NPAS2: variants seen among roughly 807,000 people sequenced by gnomAD.
NPAS2 encodes the protein neuronal PAS domain-containing protein 2.
NPAS2 carries 23 observed loss-of-function variants against 107.5 expected under a neutral mutation model. The ratio of observed to expected loss-of-function variants is 0.21; its 90% CI spans 0.15 to 0.30. The LOEUF (loss-of-function observed/expected upper bound fraction) is 0.30. NPAS2 is among the 10% of genes least tolerant of loss of function. The pLI, the probability that NPAS2 is intolerant of heterozygous loss-of-function variation, is 1.00. For synonymous variants in NPAS2, 403 were observed against 417.5 expected, an observed-to-expected ratio of 0.97 and a Z score of 0.42; for missense variants, 756 against 1,043.3, an observed-to-expected ratio of 0.72 and a Z score of 3.79.
At chr2:100,944,032 T>C (rs1674739701) in intron 5 of NPAS2, among the ~76,000 whole-genome samples, 1 of 152,182 alleles carries the variant, frequency 6.6e-6, no homozygotes, top group Admixed American at 6.5e-5. Context: ...TAATTCTTAC[T>C]ATTACAAAGT....
chr2:100,979,517 T>A (rs1262017732), intron 15 of NPAS2, among the ~76,000 whole-genome samples: 2 of 135,464 alleles, frequency 1.5e-5, no homozygotes, highest in African/African-American at 5.6e-5. Context: ...TTTTTTTTTT[T>A]TTTTTTTTTT....
intron 1 of NPAS2, among the ~76,000 whole-genome samples, chr2:100,864,393 A>G (rs569777319): frequency 7.9e-5 from 12 of 152,330 alleles, no homozygotes; most frequent in African/African-American, 2.6e-4. Context: ...GTGTGATATA[A>G]TAATATTCGG....
At chr2:100,852,259 TGGTGGTGG>T (rs1678241044) in intron 1 of NPAS2, among the ~76,000 whole-genome samples, 2 of 151,710 alleles carry the variant, frequency 1.3e-5, no homozygotes, top group Non-Finnish European at 2.9e-5. Context: ...TAGCCGGGCG[TGGTGGTGG>T]GTGCCTGTAG....
intron 1 of NPAS2, among the ~76,000 whole-genome samples, chr2:100,881,848 T>C (rs1313133779): frequency 6.6e-6 from 1 of 152,224 alleles, no homozygotes; most frequent in Non-Finnish European, 1.5e-5. Flanking sequence ...CGGACAGTGC[T>C]GGTCTCCCAC....
chr2:100,993,056 A>G (rs1678228573), intron 19 of NPAS2, among the ~76,000 whole-genome samples: 3 of 151,918 alleles, frequency 2.0e-5, no homozygotes, highest in African/African-American at 4.8e-5. Context: ...CAGCCTCCCA[A>G]GTAGCTGGGA....
intron 1 of NPAS2, among the ~76,000 whole-genome samples, chr2:100,828,226 A>G (rs1293038506): frequency 6.6e-6 from 1 of 151,176 alleles, no homozygotes; most frequent in African/African-American, 2.4e-5. Flanking sequence ...CTGTTCATGT[A>G]TTTTGCCTAT....
At chr2:100,893,746 G>A (rs954046956) in intron 1 of NPAS2, among the ~76,000 whole-genome samples, 1 of 152,166 alleles carries the variant, frequency 6.6e-6, no homozygotes, top group African/African-American at 2.4e-5. Context: ...ACCTGTTTTC[G>A]TAAATAAAGT....
rs952335102 is a variant in NPAS2 at position 100,990,861 on chromosome 2, A to G, written c.2100A>G (p.Gly700=). ...AGCCCTCGGAAGTCAGCAGGACGGG[A>G]CGGCAAGTCAAGTACGTGGACCCTG... The part of the protein sequence containing the change: ...ARQPSEVSRT[G]RQVKYAQSQT... Residue 700 remains glycine (G), a synonymous_variant, in exon 19 of 21, where the codon GGA becomes GGG. Coordinates refer to ENST00000335681, the MANE Select transcript of NPAS2 (RefSeq NM_002518.4). 27 of 1,614,050 alleles carry G rather than the reference A, an allele frequency of 1.7e-5. No individual in the cohort carries two copies. The highest frequency in any genetic ancestry group is 2.3e-5 in the Non-Finnish European group (27 of 1,179,978).
intron 7 of NPAS2, among the ~76,000 whole-genome samples, chr2:100,951,451 T>G (rs1675218369): frequency 6.6e-6 from 1 of 152,198 alleles, no homozygotes; most frequent in South Asian, 2.1e-4. Flanking sequence ...CATCAGTGGA[T>G]GAATGGATAA....
intron 16 of NPAS2, chr2:100,985,917 T>A (rs1403493120): frequency 6.6e-6 from 1 of 152,234 alleles, no homozygotes; most frequent in African/African-American, 2.4e-5. Context: ...CTCTCATCAA[T>A]AAAGGTTGGA....
At chr2:100,821,850 C>T (rs2104300723) in intron 1 of NPAS2, among the ~76,000 whole-genome samples, 1 of 152,342 alleles carries the variant, frequency 6.6e-6, no homozygotes. Context: ...TTATCCTGAC[C>T]TGCGCCACTA....
At chr2:100,926,712 C>T (rs929331841) in intron 3 of NPAS2, among the ~76,000 whole-genome samples, 4 of 151,962 alleles carry the variant, frequency 2.6e-5, no homozygotes, top group Admixed American at 1.3e-4. Context: ...GTATAGAATT[C>T]GAAAATATCT....
chr2:100,887,590 A>G (rs879655939), intron 1 of NPAS2, among the ~76,000 whole-genome samples: 45 of 152,288 alleles, frequency 3.0e-4, no homozygotes, highest in African/African-American at 9.6e-4. Context: ...GTATCACAGC[A>G]CCATACAGAC....
At chr2:100,974,318 C>T (rs1016403229) in intron 12 of NPAS2, among the ~76,000 whole-genome samples, 1 of 152,168 alleles carries the variant, frequency 6.6e-6, no homozygotes, top group African/African-American at 2.4e-5. Context: ...AGACCCCTTG[C>T]CCTCCCCGGT....
intron 1 of NPAS2, among the ~76,000 whole-genome samples, chr2:100,840,320 G>A (rs1677317866): frequency 6.6e-6 from 1 of 152,168 alleles, no homozygotes; most frequent in Non-Finnish European, 1.5e-5. Context: ...AGCGAAGACT[G>A]TAGGTTCCCG....
intron 1 of NPAS2, among the ~76,000 whole-genome samples, chr2:100,839,887 C>T (rs139739099): frequency 1.1e-3 from 163 of 152,110 alleles, no homozygotes; most frequent in Non-Finnish European, 1.5e-3. Flanking sequence ...CTCTTAGAAC[C>T]GTAAACAGCT....
intron 3 of NPAS2, among the ~76,000 whole-genome samples, chr2:100,925,910 G>C (rs926173320): frequency 4.6e-5 from 7 of 152,236 alleles, no homozygotes; most frequent in African/African-American, 1.7e-4. Flanking sequence ...TGCCAAAAAA[G>C]AAACCCTGTA....
At chr2:100,944,285 G>A (rs979047005) in intron 5 of NPAS2, among the ~76,000 whole-genome samples, 11 of 152,238 alleles carry the variant, frequency 7.2e-5, no homozygotes, top group African/African-American at 2.2e-4. Flanking sequence ...CTGCCAGAGC[G>A]CCTCAGGGAC....
intron 3 of NPAS2, 102 bp from the exon 4 acceptor site, chr2:100,932,808 G>T: frequency 1.2e-6 from 1 of 810,884 alleles, no homozygotes; most frequent in East Asian, 2.6e-5. Context: ...AAACTACACA[G>T]AAGTTTACAC....
Sources: allele counts gnomAD v4.1 joint callset (sites outside exome capture counted in the v4.1 genomes callset), GRCh38; gene constraint gnomAD v4.1.1; transcripts MANE v1.5; gene names NCBI Gene and HGNC (gene_info 2026-07-23, HGNC 2026-07-21).